The following GC variants were observed in gnomAD, a reference collection of about 807,000 sequenced individuals.
GC encodes vitamin D-binding protein.
In GC, 43 loss-of-function variants were observed where a neutral mutation model predicts 56.7. That is an observed-to-expected ratio of 0.76 (90% CI 0.59 to 0.98). GC has a LOEUF of 0.98. GC is among the 50% of genes least tolerant of loss of function. The pLI is 0.00. For synonymous variants in GC, 216 were observed against 202.7 expected (o/e 1.07, Z -0.56); for missense variants, 529 against 545.9 (o/e 0.97, Z 0.31).
At chr4:71,780,104 G>C (rs374464340) in intron 1 of GC, among the ~76,000 whole-genome samples, 3 of 152,006 alleles carry the variant, frequency 2.0e-5, no homozygotes, top group African/African-American at 7.2e-5. Flanking sequence ...TCTGATCTTT[G>C]ACAAACCTGA....
chr4:71,784,347 A>G (rs539828666), upstream of GC: 11 of 1,029,676 alleles, frequency 1.1e-5, no homozygotes, highest in African/African-American at 1.9e-4. Context: ...GTTCCTCACT[A>G]AAGTTTACTT....
At chr4:71,781,785 T>C (rs1164974086) in intron 1 of GC, among the ~76,000 whole-genome samples, 1 of 151,810 alleles carries the variant, frequency 6.6e-6, no homozygotes, top group East Asian at 1.9e-4. Context: ...GCAGATTTGG[T>C]AAGCTCTCTT....
At chr4:71,744,963 CATG>C (rs1393805109) in intron 12 of GC, among the ~76,000 whole-genome samples, 14 of 152,304 alleles carry the variant, frequency 9.2e-5, no homozygotes, top group African/African-American at 2.9e-4. Context: ...ATCGTTGGGA[CATG>C]ATATTTGTAT....
chr4:71,764,308 T>G (rs1742088755), intron 4 of GC, among the ~76,000 whole-genome samples: 1 of 152,198 alleles, frequency 6.6e-6, no homozygotes, highest in African/African-American at 2.4e-5. Context: ...TAGTAAGTAT[T>G]TTGATGGACA....
chr4:71,772,300 C>G (rs1297048112), intron 1 of GC, among the ~76,000 whole-genome samples: 1 of 152,034 alleles, frequency 6.6e-6, no homozygotes, highest in Non-Finnish European at 1.5e-5. Flanking sequence ...GTTTAAATTC[C>G]CCCCTACAAA....
intron 11 of GC, among the ~76,000 whole-genome samples, chr4:71,751,481 G>T (rs1023473257): frequency 1.3e-5 from 2 of 152,080 alleles, no homozygotes; most frequent in African/African-American, 4.8e-5. Flanking sequence ...TACTATCAGA[G>T]AAAACAAAAA....
At chr4:71,804,714 A>T (rs1427556778), upstream of GC, among the ~76,000 whole-genome samples, 2 of 152,154 alleles carry the variant, frequency 1.3e-5, no homozygotes, top group African/African-American at 4.8e-5. Flanking sequence ...TGTCGAAAGT[A>T]ATGGGTTCAT....
intron 11 of GC, among the ~76,000 whole-genome samples, chr4:71,747,025 G>T (rs1277705467): frequency 1.3e-5 from 2 of 152,020 alleles, no homozygotes; most frequent in Admixed American, 1.3e-4. Flanking sequence ...GAGAGATGTT[G>T]CAGAATTAGA....
chr4:71,763,463 A>G lies in GC; in HGVS notation c.646T>C (p.Ser216Pro), dbSNP rs374968515. ...GCATATTGTGAGCAGACTCTATTTG[A>G]CAGAGTGGTGAGAAGTGATAAATGT... ...LKHLSLLTTL[S>P]NRVCSQYAAY... is the part of the protein sequence containing the mutation. The change falls in exon 6 of 13, where the codon TCA (serine) becomes CCA (proline). Residue 216 changes from serine (S) to proline (P), a missense_variant. By Grantham distance (74) the Ser-to-Pro change is moderately conservative. Coordinates refer to ENST00000273951, the MANE Select transcript of GC (RefSeq NM_000583.4). The G allele has an allele frequency of 1.9e-6, 3 of 1,607,238 alleles. No individual in the cohort carries two copies. Among genetic ancestry groups the G allele is most frequent in the Non-Finnish European group, 2.6e-6 (3 of 1,174,114 alleles).
chr4:71,794,695 G>A (rs1368851603), intron 1 of GC, among the ~76,000 whole-genome samples: 1 of 151,970 alleles, frequency 6.6e-6, no homozygotes, highest in Non-Finnish European at 1.5e-5. Flanking sequence ...CTTGCCTTCT[G>A]CTAGCTTTTA....
intron 1 of GC, among the ~76,000 whole-genome samples, chr4:71,799,235 G>A (rs976624062): frequency 2.0e-5 from 3 of 152,148 alleles, no homozygotes; most frequent in Non-Finnish European, 4.4e-5. Flanking sequence ...AAGTAAATCT[G>A]CAATATTTGA....
At chr4:71,772,689 T>G (rs1742377616) in intron 1 of GC, among the ~76,000 whole-genome samples, 1 of 152,112 alleles carries the variant, frequency 6.6e-6, no homozygotes, top group African/African-American at 2.4e-5. Context: ...AAAGAGGTTT[T>G]GAAACTATTT....
intron 1 of GC, among the ~76,000 whole-genome samples, chr4:71,778,040 A>C (rs1015640778): frequency 5.4e-5 from 8 of 147,314 alleles, no homozygotes; most frequent in African/African-American, 2.1e-4. Flanking sequence ...TTATATATAT[A>C]TAAAAAAAAA....
At chr4:71,742,449 G>GT (rs1409933498) in intron 12 of GC, among the ~76,000 whole-genome samples, 3 of 152,196 alleles carry the variant, frequency 2.0e-5, no homozygotes, top group African/African-American at 7.2e-5. Flanking sequence ...ATGCTTTGGA[G>GT]TGAGGATGCA....
At chr4:71,782,168 G>A (rs1578315056) in intron 1 of GC, among the ~76,000 whole-genome samples, 1 of 151,826 alleles carries the variant, frequency 6.6e-6, no homozygotes, top group East Asian at 2.0e-4. Context: ...TTAAATAAAT[G>A]CTGTGGGTGG....
At chr4:71,801,020 G>A (rs893276297) in intron 1 of GC, among the ~76,000 whole-genome samples, 1 of 152,076 alleles carries the variant, frequency 6.6e-6, no homozygotes, top group African/African-American at 2.4e-5. Flanking sequence ...TGCTTCATAG[G>A]ATACTATCAA....
At chr4:71,790,688 T>C (rs1742946328) in intron 1 of GC, among the ~76,000 whole-genome samples, 3 of 151,792 alleles carry the variant, frequency 2.0e-5, no homozygotes, top group African/African-American at 4.8e-5. Flanking sequence ...CTAGGGCTAA[T>C]AATATTTTAT....
upstream of GC, among the ~76,000 whole-genome samples, chr4:71,788,699 A>G (rs1560712282): frequency 6.6e-6 from 1 of 151,554 alleles, no homozygotes; most frequent in South Asian, 2.1e-4. Flanking sequence ...GAAAAAAAGA[A>G]AAAGAAAGAA....
intron 1 of GC, among the ~76,000 whole-genome samples, chr4:71,771,454 A>T (rs1260403504): frequency 6.6e-6 from 1 of 152,142 alleles, no homozygotes; most frequent in African/African-American, 2.4e-5. Flanking sequence ...ACCCCCCCAA[A>T]ATATTTTTGA....
Sources: gnomAD v4.1 joint callset for allele counts (sites outside exome capture counted in the v4.1 genomes callset) on GRCh38, gnomAD v4.1.1 for gene constraint, MANE v1.5 for transcripts, NCBI Gene and HGNC (gene_info 2026-07-23, HGNC 2026-07-21) for gene names.